The following IGSF22 variants were observed in gnomAD, a reference collection of about 807,000 sequenced individuals.
IGSF22 encodes the protein immunoglobulin superfamily, member 22.
IGSF22 carries 119 observed loss-of-function variants against 127.0 expected under a neutral mutation model. The observed-to-expected ratio is 0.94, with a 90% CI of 0.81 to 1.09. IGSF22 has a LOEUF of 1.09. Ranked by LOEUF, IGSF22 falls within the 50% of genes least tolerant of loss-of-function variation. IGSF22 has a pLI of 0.00. For missense variants in IGSF22, 1,518 were observed against 1,716.6 expected, an observed-to-expected ratio of 0.88 and a Z score of 2.04; for synonymous variants, 568 against 664.7, an observed-to-expected ratio of 0.85 and a Z score of 2.24.
intron 3 of IGSF22, 91 bp downstream of exon 3, chr11:18,721,819 C>A (rs1848579542): frequency 1.3e-6 from 2 of 1,592,376 alleles, no homozygotes; most frequent in Admixed American, 1.7e-5. Flanking sequence ...CAGGGTTTAG[C>A]ATTGGAGGTC....
chr11:18,713,801 G>C (rs1462897343), intron 14 of IGSF22, 51 bp downstream of exon 14: 1 of 1,428,716 alleles, frequency 7.0e-7, no homozygotes, highest in Admixed American at 2.0e-5. Flanking sequence ...CCCTGAGTCT[G>C]GGCAGCAGGT....
chr11:18,724,223 T>C lies in IGSF22; in HGVS notation c.14A>G (p.His5Arg). 1 of 1,613,620 alleles carries C rather than the reference T, an allele frequency of 6.2e-7. No homozygotes were observed. The highest frequency in any genetic ancestry group is 8.5e-7 in the Non-Finnish European group (1 of 1,179,676). The part of the protein sequence containing the change: MTTI[H>R]SRQMLQEHVS... ...GTGCTCCTGCAGCATCTGCCGGCTG[T>C]GAATGGTTGTCATGGTGACAGCAGG... Residue 5 changes from histidine (H) to arginine (R), a missense_variant, in exon 2 of 23, where the codon CAC becomes CGC. Coordinates refer to ENST00000513874, the MANE Select transcript of IGSF22 (RefSeq NM_173588.4).
chr11:18,714,701 A>T, intron 11 of IGSF22, 77 bp from the exon 12 acceptor site: 1 of 1,551,932 alleles, frequency 6.4e-7, no homozygotes. Flanking sequence ...GCTGGTAGCG[A>T]TGGTCATGGG....
chr11:18,718,619 A>T lies in IGSF22; in HGVS notation c.806T>A (p.Ile269Asn), dbSNP rs748065738. Residue 269 changes from isoleucine (I) to asparagine (N), a missense_variant, in exon 8 of 23, where the codon ATC becomes AAC. By Grantham distance (149) the Ile-to-Asn change is moderately radical (BLOSUM62 -3). This residue lies in a region of IGSF22 where 1,456 missense variants were observed against 1,644.9 expected (regional missense o/e 0.89). Transcript: ENST00000513874. The part of the protein sequence containing the change: ...LKDPNVKMIW[I>N]KGTEPLRIQY... ...CCCTGGCTAGGCATCCCCCACCTTG[A>T]TCCATATCATCTTGACATTGGGGTC... 35 of 1,589,246 alleles carry T rather than the reference A, an allele frequency of 2.2e-5. No homozygotes were observed. Among genetic ancestry groups the T allele is most frequent in the Non-Finnish European group, 3.0e-5 (35 of 1,157,258 alleles).
chr11:18,709,542 G>C lies in IGSF22; in HGVS notation c.2843C>G (p.Ser948Cys), dbSNP rs769745727. ...TGAGATGGGGATCTTTGTGCACTTG[G>C]ACCACTCCTTTGTGTCTTCAGCCCT... ...EMRAEDTKEWSKCTKIPISGT... is the reference protein window; with the variant it reads ...EMRAEDTKEWCKCTKIPISGT... Residue 948 changes from serine (S) to cysteine (C), a missense_variant, in exon 18 of 23, where the codon TCC becomes TGC. Transcript: ENST00000513874. This position sits in a 1 kb window ranked among gnomAD's most constrained non-coding sequence, Gnocchi z 4.8. The C allele has an allele frequency of 6.2e-7, 1 of 1,614,176 alleles. No individual in the cohort carries two copies. Among genetic ancestry groups the C allele is most frequent in the South Asian group, 1.1e-5 (1 of 91,080 alleles).
intron 4 of IGSF22, among the ~76,000 whole-genome samples, chr11:18,720,693 G>T (rs1038559986): frequency 3.1e-4 from 47 of 152,300 alleles, no homozygotes; most frequent in African/African-American, 1.1e-3. Context: ...CTGACTTGAT[G>T]CCCGTCTGCA....
In IGSF22 at chr11:18,719,749, C is replaced by CT; in HGVS notation, c.662dup (p.Leu222AlafsTer27). The stretch of plus-strand genomic sequence containing the variant: ...CTACTTTCTTCTTCATCTCTTTGAG[C>CT]TTCCTGAGCAGCCCCCGAAAGTCGG... On this transcript the variant is annotated frameshift_variant, in exon 7 of 23. Coordinates refer to ENST00000513874, the MANE Select transcript of IGSF22 (RefSeq NM_173588.4). LOFTEE classifies it high-confidence loss of function. The CT allele has an allele frequency of 6.2e-7, 1 of 1,614,210 alleles. No homozygotes were observed.
At position 18,707,023 on chromosome 11, in the gene IGSF22, C is replaced by A. The variant is rs977269627; in HGVS notation, c.3471G>T (p.Thr1157=). Residue 1157 remains threonine (T), a synonymous_variant, in exon 21 of 23, where the codon ACG becomes ACT. Transcript: ENST00000513874. ...AGTACTTCCTGCCTGGGAGCAGCCC[C>A]GTCACTGTGTACTTGTTGCTGAAGA... The part of the protein sequence containing the change: ...ERVFSNKYTV[T]GLLPGRKYYF... The A allele has an allele frequency of 1.3e-6, 2 of 1,551,596 alleles. No individual in the cohort carries two copies. Among genetic ancestry groups the A allele is most frequent in the Non-Finnish European group, 1.7e-6 (2 of 1,146,944 alleles).
chr11:18,708,508 C>T (rs1281845244), intron 18 of IGSF22, among the ~76,000 whole-genome samples: 1 of 152,198 alleles, frequency 6.6e-6, no homozygotes, highest in African/African-American at 2.4e-5. Flanking sequence ...AAGGCAAGTC[C>T]TTGTGTCTTG....
intron 1 of IGSF22, among the ~76,000 whole-genome samples, chr11:18,725,553 G>A (rs935257624): frequency 1.2e-4 from 18 of 152,232 alleles, no homozygotes; most frequent in African/African-American, 4.3e-4. Flanking sequence ...CAATTCTCCT[G>A]CCTCAGGCTC....
Position 18,718,620 on chromosome 11 carries a change from T to A in IGSF22, c.805A>T (p.Ile269Phe). The change falls in exon 8 of 23, where the codon ATC becomes TTC. Residue 269 changes from isoleucine to phenylalanine, a missense_variant. Physicochemically the swap from Ile to Phe is conservative, Grantham distance 21. Around this residue, in one of 3 missense-constraint regions of IGSF22, gnomAD observed 1,456 missense variants for 1,644.9 expected, o/e 0.89. Transcript: ENST00000513874. ...LKDPNVKMIW[I>F]KGTEPLRIQY... ...CCTGGCTAGGCATCCCCCACCTTGA[T>A]CCATATCATCTTGACATTGGGGTCT... The A allele has an allele frequency of 6.3e-7, 1 of 1,590,968 alleles. No individual in the cohort carries two copies. The highest frequency in any genetic ancestry group is 1.7e-4 in the Middle Eastern group (1 of 6,018).
Position 18,712,271 on chromosome 11 carries a change from T to A in IGSF22, c.2209A>T (p.Ile737Leu), listed in dbSNP as rs749257137. 1.9e-4 allele frequency: 291 copies of A among 1,551,648 alleles called. No homozygotes were observed. Among genetic ancestry groups the A allele is most frequent in the Non-Finnish European group, 2.4e-4 (278 of 1,147,006 alleles). ...DNGGRPVTQFIVERRAVGKKS... is the reference protein window; with the variant it reads ...DNGGRPVTQFLVERRAVGKKS... ...TTGCCAACTGCCCTCCGTTCCACTA[T>A]GAACTGTGTCACAGGTCGTCCACCA... Residue 737 changes from isoleucine (I) to leucine (L), a missense_variant, in exon 15 of 23, where the codon ATA (isoleucine) becomes TTA (leucine). Physicochemically the swap from Ile to Leu is conservative, Grantham distance 5 (BLOSUM62 2). This residue lies in a region of IGSF22 where 1,456 missense variants were observed against 1,644.9 expected (regional missense o/e 0.89). Transcript: ENST00000513874.
At chr11:18,711,770 C>T (rs1012166879) in intron 15 of IGSF22, among the ~76,000 whole-genome samples, 1 of 152,154 alleles carries the variant, frequency 6.6e-6, no homozygotes, top group East Asian at 1.9e-4. Flanking sequence ...AAGGTTATCC[C>T]TAAAGCAACA....
At chr11:18,706,266 A>AG in intron 21 of IGSF22, 120 bp from the exon 22 acceptor site, 2 of 948,840 alleles carry the variant, frequency 2.1e-6, no homozygotes, top group Non-Finnish European at 3.1e-6. Flanking sequence ...CAGCGCCACC[A>AG]ACTCTGGGGG....
intron 18 of IGSF22, among the ~76,000 whole-genome samples, chr11:18,708,616 C>T (rs1010154512): frequency 2.0e-5 from 3 of 152,230 alleles, no homozygotes; most frequent in African/African-American, 7.2e-5. Flanking sequence ...TAACCAACCC[C>T]CATCTTGCCT....
At position 18,719,707 on chromosome 11, in the gene IGSF22, G is replaced by T; in HGVS notation, c.696+9C>A. The T allele has an allele frequency of 1.9e-6, 3 of 1,613,540 alleles. No homozygotes were observed. Among genetic ancestry groups the T allele is most frequent in the Non-Finnish European group, 2.5e-6 (3 of 1,179,816 alleles). Reference sequence around the variant, plus strand: ...GCCTGCAGGCCCCTGCTCCCTGCAGGGTACTTACCTCCACCTCTACTTTCT... The same window carrying T: ...GCCTGCAGGCCCCTGCTCCCTGCAGTGTACTTACCTCCACCTCTACTTTCT... On this transcript the variant is annotated intron_variant, in intron 7 of 22. Coordinates refer to ENST00000513874, the MANE Select transcript of IGSF22 (RefSeq NM_173588.4).
At position 18,710,391 on chromosome 11, in the gene IGSF22, T is replaced by G. The variant is rs1253539974; in HGVS notation, c.2637A>C (p.Val879=). The change falls in exon 17 of 23, where the codon GTA becomes GTC. Residue 879 remains valine (V), a synonymous_variant. Transcript: ENST00000513874. ...DTEYEFRVIA[V]NKAGPGQPSV... ...TGGGCTGTCCAGGGCCTGCCTTATT[T>G]ACAGCTATAACTCGGAATTCATATT... The G allele has an allele frequency of 3.1e-6, 5 of 1,614,124 alleles. No individual in the cohort carries two copies. The highest frequency in any genetic ancestry group is 3.4e-6 in the Non-Finnish European group (4 of 1,180,052).
rs1848318450 is a variant in IGSF22 at position 18,709,889 on chromosome 11, A to G, written c.2702-206T>C. Among the ~76,000 whole-genome samples, 1 of 152,122 alleles carries G rather than the reference A, an allele frequency of 6.6e-6. No homozygotes were observed. The highest frequency in any genetic ancestry group is 2.4e-5 in the African/African-American group (1 of 41,402). On this transcript the variant is annotated intron_variant, in intron 17 of 22. Transcript: ENST00000513874. The surrounding 1 kb of genome is among the most constrained non-coding windows in gnomAD (Gnocchi z 4.8). ...TTACTGTTTTAACACTTTCATCCTT[A>G]AACTCAATACCCCTTAAATTCAACA...
In IGSF22 at chr11:18,705,705, G is replaced by T; in HGVS notation, c.3910+112C>A. 7.9e-6 allele frequency: 7 copies of T among 881,682 alleles called. No individual in the cohort carries two copies. The South Asian group carries it at 1.2e-4, about 15-fold the overall frequency. 54.6% of individuals were successfully genotyped at this position (881,682 alleles called of 1,614,324 possible). A position where few individuals can be genotyped will look rare whatever the true frequency, so the allele number is the denominator to read the frequency against. The stretch of plus-strand genomic sequence containing the variant: ...CCAATTAAGAATGTTTGCACCACCT[G>T]TTGGCAGTCAGATTAAAAAACGGTG... On this transcript the variant is annotated intron_variant, in intron 22 of 22. Transcript: ENST00000513874.
Sources: allele counts gnomAD v4.1 joint callset (sites outside exome capture counted in the v4.1 genomes callset), GRCh38; gene constraint gnomAD v4.1.1; regional missense constraint gnomAD v4.1.1; non-coding constraint Gnocchi (gnomAD v3.1); transcripts MANE v1.5; gene names NCBI Gene and HGNC (gene_info 2026-07-23, HGNC 2026-07-21).